HSPH1: variants seen among roughly 807,000 people sequenced by gnomAD.
HSPH1 encodes heat shock protein 105 kDa.
HSPH1 carries 40 observed loss-of-function variants against 100.0 expected under a neutral mutation model. The observed-to-expected ratio is 0.40, with a 90% confidence interval of 0.31 to 0.52. The LOEUF (loss-of-function observed/expected upper bound fraction) is 0.52. Ranked by LOEUF, HSPH1 falls within the 20% of genes least tolerant of loss-of-function variation. The probability of loss-of-function intolerance (pLI) is 0.54; values close to 1 mark genes in which losing one functional copy is unlikely to be tolerated. For missense variants in HSPH1, 876 were observed against 1,015.1 expected, an observed-to-expected ratio of 0.86 and a Z score of 1.86; for synonymous variants, 403 against 344.0, an observed-to-expected ratio of 1.17 and a Z score of -1.90.
chr13:31,138,634 T>A, intron 16 of HSPH1, 66 bp from the exon 17 acceptor site: 24 of 1,532,974 alleles, frequency 1.6e-5, no homozygotes, highest in Non-Finnish European at 2.1e-5. Context: ...TTGACTCAAC[T>A]TTCCAGGAAG....
chr13:31,137,329 C>A lies in HSPH1; in HGVS notation c.2566G>T (p.Asp856Tyr). The A allele has an allele frequency of 6.2e-7, 1 of 1,603,892 alleles. No individual in the cohort carries two copies. The highest frequency in any genetic ancestry group is 8.5e-7 in the Non-Finnish European group (1 of 1,172,510). Reference sequence around the variant, plus strand: ...CAATTTAAGGTTATCTAGTCCAAGTCCATATTAACAGAATTTTTCTCATTA... The same window carrying A: ...CAATTTAAGGTTATCTAGTCCAAGTACATATTAACAGAATTTTTCTCATTA... ...YPNEKNSVNM[D>Y]LD The change falls in exon 18 of 18, where the codon GAC becomes TAC. Residue 856 changes from aspartate (D) to tyrosine (Y), a missense_variant. Physicochemically the swap from Asp to Tyr is radical, Grantham distance 160. Transcript: ENST00000320027.
At chr13:31,161,408 GCGATCTTGGGTCCCCA>G in intron 1 of HSPH1, 52 bp downstream of exon 1, 2 of 1,579,038 alleles carry the variant, frequency 1.3e-6, no homozygotes, top group East Asian at 4.6e-5. Context: ...CAGCCAGCCC[GCGATCTTGGGTCCCCA>G]CACTAAGGGC....
chr13:31,148,744 G>A (rs1431390764), intron 8 of HSPH1, among the ~76,000 whole-genome samples: 2 of 151,938 alleles, frequency 1.3e-5, no homozygotes, highest in East Asian at 1.9e-4. Context: ...AGGGGATTAG[G>A]AAAAAAGCCT....
chr13:31,140,952 A>T (rs962421493), intron 13 of HSPH1, 170 bp downstream of exon 13: 2 of 419,134 alleles, frequency 4.8e-6, no homozygotes, highest in Non-Finnish European at 8.3e-6. Context: ...TTTTTTTGTT[A>T]AAAAAAATTA....
At chr13:31,156,095 A>G (rs550858792) in intron 2 of HSPH1, among the ~76,000 whole-genome samples, 1 of 152,332 alleles carries the variant, frequency 6.6e-6, no homozygotes, top group African/African-American at 2.4e-5. Flanking sequence ...TTTTGTTTAA[A>G]AAAGTTAATT....
chr13:31,142,066 A>C lies in HSPH1; in HGVS notation c.1717-807T>G, dbSNP rs190395278. 2.9e-3 allele frequency among the ~76,000 whole-genome samples: 438 copies of C among 152,190 alleles called. 1 individual carries two copies. The highest frequency in any genetic ancestry group is 4.9e-3 in the Non-Finnish European group (334 of 67,984). On this transcript the variant is annotated intron_variant, in intron 12 of 17. Coordinates refer to ENST00000320027, the MANE Select transcript of HSPH1 (RefSeq NM_006644.4). ...AGGTTCCTACTAATACAAAAATGAC[A>C]AAGAACACAACTGAGCAGACTCAGT...
chr13:31,138,781 C>T lies in HSPH1; in HGVS notation c.2208G>A (p.Lys736=). 6.2e-7 allele frequency: 1 copy of T among 1,603,504 alleles called. No individual in the cohort carries two copies. Among genetic ancestry groups the T allele is most frequent in the Non-Finnish European group, 8.5e-7 (1 of 1,177,256 alleles). Reference sequence around the variant, plus strand: ...CCTATGTACAAAAAGACTGACTCACCTTATTTCTGAAGTCAGCTGCTATCT... The same window carrying T: ...CCTATGTACAAAAAGACTGACTCACTTTATTTCTGAAGTCAGCTGCTATCT... ...YAKIAADFRN[K]DEKYNHIDES... Residue 736 remains lysine, a splice_region_variant and synonymous_variant, in exon 16 of 18, where the codon AAG becomes AAA. Transcript: ENST00000320027.
chr13:31,154,248 A>G (rs1436298017), intron 4 of HSPH1: 9 of 233,288 alleles, frequency 3.9e-5, no homozygotes, highest in Non-Finnish European at 6.0e-5. Context: ...CACTACTGGT[A>G]AGCTACGTTT....
At position 31,161,517 on chromosome 13, in the gene HSPH1, G is replaced by A. The variant is rs371819030; in HGVS notation, c.66C>T (p.Gly22=). 2.2e-5 allele frequency: 35 copies of A among 1,613,846 alleles called. No homozygotes were observed. Among genetic ancestry groups the A allele is most frequent in the African/African-American group, 8.0e-5 (6 of 74,902 alleles). The stretch of plus-strand genomic sequence containing the variant: ...TGAACTCATTGGCGATGGTCTCGAT[G>A]CCCCCGGCCCGGGCTACCGCGATGT... The part of the protein sequence containing the change: ...SCYIAVARAG[G]IETIANEFSD... The change falls in exon 1 of 18, where the codon GGC becomes GGT. Residue 22 remains glycine, a synonymous_variant. Coordinates refer to ENST00000320027, the MANE Select transcript of HSPH1 (RefSeq NM_006644.4).
At chr13:31,153,409 C>A (rs1295678926) in intron 4 of HSPH1, among the ~76,000 whole-genome samples, 1 of 152,158 alleles carries the variant, frequency 6.6e-6, no homozygotes, top group Admixed American at 6.5e-5. Flanking sequence ...TAACATATGC[C>A]ACCACCCTTT....
chr13:31,144,217 CTAAG>C (rs1390314296), intron 11 of HSPH1, among the ~76,000 whole-genome samples: 3 of 152,156 alleles, frequency 2.0e-5, no homozygotes, highest in African/African-American at 4.8e-5. Flanking sequence ...GGAAGCTCAT[CTAAG>C]TTAGTACAGA....
intron 1 of HSPH1, among the ~76,000 whole-genome samples, chr13:31,159,816 G>C (rs1956831455): frequency 6.6e-6 from 1 of 152,006 alleles, no homozygotes; most frequent in Non-Finnish European, 1.5e-5. Context: ...TATATTATCT[G>C]AGCAAGTGTT....
rs991204932 is a variant in HSPH1 at position 31,160,725 on chromosome 13, A to C, written c.107+751T>G. On this transcript the variant is annotated intron_variant, in intron 1 of 17. Coordinates refer to ENST00000320027, the MANE Select transcript of HSPH1 (RefSeq NM_006644.4). ...ATGCAATTTTTATTCTCTTTTAAAT[A>C]AACTGTGCAAAATTAATTTTAAAAA... Among the ~76,000 whole-genome samples, 3 of 152,200 alleles carry C rather than the reference A, an allele frequency of 2.0e-5. No homozygotes were observed. In the East Asian group the frequency reaches 5.8e-4, roughly 29 times the overall value.
chr13:31,162,209 A>C, upstream of HSPH1: 1 of 916,400 alleles, frequency 1.1e-6, no homozygotes, highest in Non-Finnish European at 1.7e-6. Flanking sequence ...ATGACTCCAA[A>C]ACTCGGAATA....
rs1955890280 is a variant in HSPH1 at position 31,136,622 on chromosome 13, C to G, written c.*696G>C. On this transcript the variant is annotated 3_prime_UTR_variant, in exon 18 of 18. Coordinates refer to ENST00000320027, the MANE Select transcript of HSPH1 (RefSeq NM_006644.4). Reference sequence around the variant, plus strand: ...TTTTTTAAATTAGTGACAAAATCAACAGTTTAGAAATGACACCATAAGATG... The same window carrying G: ...TTTTTTAAATTAGTGACAAAATCAAGAGTTTAGAAATGACACCATAAGATG... 6.6e-6 allele frequency: 1 copy of G among 152,484 alleles called. No homozygotes were observed. The highest frequency in any genetic ancestry group is 1.5e-5 in the Non-Finnish European group (1 of 68,004). The allele number at this position is 152,484 out of a possible 1,614,324, so 9.4% of individuals were successfully genotyped here.
At chr13:31,148,288 A>T in intron 9 of HSPH1, 86 bp downstream of exon 9, 1 of 1,024,364 alleles carries the variant, frequency 9.8e-7, no homozygotes, top group Non-Finnish European at 1.5e-6. Context: ...TAGAGAAGTC[A>T]TTTGTTAATG....
chr13:31,151,052 TG>T lies in HSPH1; in HGVS notation c.802del (p.Gln268ArgfsTer6). The T allele has an allele frequency of 6.2e-7, 1 of 1,613,868 alleles. No homozygotes were observed. The highest frequency in any genetic ancestry group is 8.5e-7 in the Non-Finnish European group (1 of 1,179,818). On this transcript the variant is annotated frameshift_variant, in exon 7 of 18. Coordinates refer to ENST00000320027, the MANE Select transcript of HSPH1 (RefSeq NM_006644.4). LOFTEE classifies it high-confidence loss of function. ...SKIRALLRLY[Q>X]ECEKLKKLMS... ...TAGCTTTTTCAGTTTTTCACATTCCTGATACAGACGTAGGAGTGCTCGTATT... is the reference window on the plus strand; with the variant it reads ...TAGCTTTTTCAGTTTTTCACATTCCTATACAGACGTAGGAGTGCTCGTATT...
At chr13:31,152,015 T>G (rs1344230697) in intron 5 of HSPH1, 3 of 325,292 alleles carry the variant, frequency 9.2e-6, no homozygotes, top group African/African-American at 2.2e-5. Flanking sequence ...CATAACCACG[T>G]ATCACAGACA....
chr13:31,152,766 T>C, intron 5 of HSPH1, 86 bp downstream of exon 5: 1 of 931,348 alleles, frequency 1.1e-6, no homozygotes, highest in Non-Finnish European at 1.7e-6. Flanking sequence ...CAGGCTGTGT[T>C]TCTGTATCTA....
Sources: gnomAD v4.1 joint callset for allele counts (sites outside exome capture counted in the v4.1 genomes callset) on GRCh38, gnomAD v4.1.1 for gene constraint, MANE v1.5 for transcripts, NCBI Gene and HGNC (gene_info 2026-07-23, HGNC 2026-07-21) for gene names.